Variants in ZFHX3 observed in about 807,000 individuals in gnomAD.
The protein encoded by ZFHX3 is zinc finger homeobox 3.
ZFHX3 carries 42 observed loss-of-function variants against 279.1 expected under a neutral mutation model. That is an observed-to-expected ratio of 0.15 (90% CI 0.12 to 0.19). The LOEUF (loss-of-function observed/expected upper bound fraction) is 0.19, where lower values mean the gene tolerates loss of function less well. ZFHX3 is among the 10% of genes least tolerant of loss of function. The pLI is 1.00. For synonymous variants in ZFHX3, 2,293 were observed against 1,957.8 expected, an observed-to-expected ratio of 1.17 and a Z score of -4.52; for missense variants, 4,981 against 4,754.0, an observed-to-expected ratio of 1.05 and a Z score of -1.40.
chr16:73,866,312 G>C (rs2142395400), intron 1 of ZFHX3, among the ~76,000 whole-genome samples: 1 of 150,028 alleles, frequency 6.7e-6, no homozygotes, highest in East Asian at 2.0e-4. Flanking sequence ...TCTAGTAGTT[G>C]GGATTACAGG....
chr16:73,208,378 A>C (rs2144907356), intron 5 of ZFHX3, among the ~76,000 whole-genome samples: 1 of 152,312 alleles, frequency 6.6e-6, no homozygotes, highest in Non-Finnish European at 1.5e-5. Context: ...GTGCCAAACA[A>C]CATGTGTAGA....
rs571870951 is a variant in ZFHX3 at position 72,896,985 on chromosome 16, G to A, written c.3217-7023C>T. 3.9e-4 allele frequency among the ~76,000 whole-genome samples: 59 copies of A among 152,306 alleles called. No individual in the cohort carries two copies. In the South Asian group the frequency reaches 6.6e-3, roughly 17 times the overall value. On this transcript the variant is annotated intron_variant, in intron 3 of 9. Transcript: ENST00000268489. ...CTGTGCTGTGCACACAGGCACACAC[G>A]GCAACTCCATTTCCAGAGCAGCCCC... is the stretch of plus-strand genomic sequence containing the variant.
chr16:73,448,185 G>A (rs1269661033), intron 3 of ZFHX3, among the ~76,000 whole-genome samples: 1 of 152,098 alleles, frequency 6.6e-6, no homozygotes, highest in Non-Finnish European at 1.5e-5. Context: ...AAGCCAGGAT[G>A]CCAAAAGATT....
chr16:73,160,947 A>G (rs957065519), intron 5 of ZFHX3, among the ~76,000 whole-genome samples: 10 of 151,514 alleles, frequency 6.6e-5, no homozygotes, highest in Non-Finnish European at 1.0e-4. Context: ...TCTGGCTATA[A>G]CTTTCTTTGG....
At chr16:73,152,847 G>A (rs999402157) in intron 5 of ZFHX3, among the ~76,000 whole-genome samples, 1 of 151,684 alleles carries the variant, frequency 6.6e-6, no homozygotes, top group African/African-American at 2.4e-5. Flanking sequence ...GAGTAATCGC[G>A]AGAAGAGAGG....
chr16:73,381,917 G>A (rs2016824298), intron 3 of ZFHX3, among the ~76,000 whole-genome samples: 1 of 152,208 alleles, frequency 6.6e-6, no homozygotes, highest in Non-Finnish European at 1.5e-5. Flanking sequence ...TTAGACTTTG[G>A]TCTAAAATAT....
chr16:73,050,274 G>A (rs1965425925), upstream of ZFHX3, among the ~76,000 whole-genome samples: 1 of 152,222 alleles, frequency 6.6e-6, no homozygotes, highest in Non-Finnish European at 1.5e-5. Flanking sequence ...GCCCGGACGG[G>A]ATCTGCCCTA....
At chr16:73,660,072 T>C (rs959134507) in intron 2 of ZFHX3, among the ~76,000 whole-genome samples, 3 of 152,260 alleles carry the variant, frequency 2.0e-5, no homozygotes, top group African/African-American at 7.2e-5. Context: ...CCCTCTGCGT[T>C]GGCATATACA....
chr16:72,832,277 A>G (rs2037078023), intron 4 of ZFHX3, among the ~76,000 whole-genome samples: 2 of 152,182 alleles, frequency 1.3e-5, no homozygotes, highest in Admixed American at 1.3e-4. Flanking sequence ...TTGAGAAACT[A>G]GAGACTGTAA....
chr16:72,873,953 C>T (rs887667858), intron 4 of ZFHX3, among the ~76,000 whole-genome samples: 2 of 152,124 alleles, frequency 1.3e-5, no homozygotes, highest in African/African-American at 2.4e-5. Context: ...TAATTGCCTT[C>T]GTAATAAGCA....
chr16:73,678,912 A>G (rs2052982067), intron 2 of ZFHX3, among the ~76,000 whole-genome samples: 2 of 152,200 alleles, frequency 1.3e-5, no homozygotes, highest in Admixed American at 6.5e-5. Flanking sequence ...TCAAAGTGCT[A>G]TCTATGCAGA....
chr16:73,847,561 T>A (rs1961480291), intron 1 of ZFHX3, among the ~76,000 whole-genome samples: 1 of 152,122 alleles, frequency 6.6e-6, no homozygotes, highest in African/African-American at 2.4e-5. Flanking sequence ...CCCACATCCA[T>A]CCTTTGGTGA....
chr16:73,211,528 C>T (rs2012016544), intron 5 of ZFHX3, among the ~76,000 whole-genome samples: 1 of 152,002 alleles, frequency 6.6e-6, no homozygotes, highest in South Asian at 2.1e-4. Flanking sequence ...GGGAAATATA[C>T]CTGTATCACT....
chr16:73,327,009 C>T (rs553439375), intron 3 of ZFHX3, among the ~76,000 whole-genome samples: 1 of 152,208 alleles, frequency 6.6e-6, no homozygotes, highest in Non-Finnish European at 1.5e-5. Context: ...AACTCTCAGT[C>T]CTGAGGAAAC....
At chr16:73,494,243 C>T (rs542000880) in intron 2 of ZFHX3, among the ~76,000 whole-genome samples, 5 of 152,222 alleles carry the variant, frequency 3.3e-5, no homozygotes, top group East Asian at 1.9e-4. Flanking sequence ...TCAATACGGA[C>T]GGAGCGGTTT....
chr16:73,080,940 T>A (rs1965935945), intron 8 of ZFHX3, among the ~76,000 whole-genome samples: 1 of 152,160 alleles, frequency 6.6e-6, no homozygotes, highest in African/African-American at 2.4e-5. Flanking sequence ...TCTTTTCTAA[T>A]ACTTCTTACC....
intron 1 of ZFHX3, among the ~76,000 whole-genome samples, chr16:73,862,969 T>C (rs1961921087): frequency 1.4e-5 from 2 of 146,404 alleles, no homozygotes; most frequent in African/African-American, 5.2e-5. Flanking sequence ...TCCCAGCACT[T>C]TGGGAGGCTG....
At chr16:73,546,725 CTGCTGCTGCT>C (rs2020119132) in intron 2 of ZFHX3, among the ~76,000 whole-genome samples, 1 of 141,258 alleles carries the variant, frequency 7.1e-6, no homozygotes, top group South Asian at 2.3e-4. Context: ...GCTGCTGCTG[CTGCTGCTGCT>C]GTTGCTTCTT....
intron 3 of ZFHX3, among the ~76,000 whole-genome samples, chr16:72,934,297 G>C (rs1404326378): frequency 6.6e-6 from 1 of 151,926 alleles, no homozygotes; most frequent in African/African-American, 2.4e-5. Flanking sequence ...GCCTGGTGGC[G>C]GGCGCCTGTA....
Sources: allele counts gnomAD v4.1 joint callset (sites outside exome capture counted in the v4.1 genomes callset), GRCh38; gene constraint gnomAD v4.1.1; transcripts MANE v1.5; gene names NCBI Gene and HGNC (gene_info 2026-07-23, HGNC 2026-07-21).